The following APLP2 variants were observed in gnomAD, a reference collection of about 807,000 sequenced individuals.
APLP2 encodes amyloid beta precursor like protein 2.
A neutral mutation model predicts 89.9 loss-of-function variants in APLP2; 53 were observed. That is an observed-to-expected ratio of 0.59 (90% CI 0.47 to 0.74). APLP2 has a LOEUF of 0.74. Among genes scored for constraint, APLP2 ranks in the 30% least tolerant of loss-of-function variants. The probability of loss-of-function intolerance (pLI) is 0.00; values close to 1 mark genes in which losing one functional copy is unlikely to be tolerated. For missense variants in APLP2, 973 were observed against 975.9 expected (o/e 1.00, Z 0.04); for synonymous variants, 372 against 348.6 (o/e 1.07, Z -0.75).
intron 3 of APLP2, among the ~76,000 whole-genome samples, chr11:130,117,276 ATTATT>A (rs1327733212): frequency 1.3e-5 from 2 of 152,210 alleles, no homozygotes; most frequent in African/African-American, 4.8e-5. Context: ...CATGGAATTA[ATTATT>A]TTATTAAATT....
intron 1 of APLP2, among the ~76,000 whole-genome samples, chr11:130,078,967 C>G (rs1942628904): frequency 1.3e-5 from 2 of 152,026 alleles, no homozygotes; most frequent in African/African-American, 4.8e-5. Context: ...CCACATTTTA[C>G]CAAAACAGCT....
chr11:130,084,735 A>T (rs1457920519), intron 1 of APLP2, among the ~76,000 whole-genome samples: 1 of 152,192 alleles, frequency 6.6e-6, no homozygotes, highest in East Asian at 1.9e-4. Context: ...AATAAGAAAG[A>T]TCTCAAACAG....
chr11:130,115,234 G>T (rs112312541), intron 3 of APLP2, among the ~76,000 whole-genome samples: 9,446 of 151,934 alleles, frequency 0.062, 310 homozygotes, highest in Non-Finnish European at 0.073. Context: ...ATTTTTGTGG[G>T]TATATAGTAG....
chr11:130,137,212 T>C, intron 13 of APLP2: 1 of 1,568,414 alleles, frequency 6.4e-7, no homozygotes, highest in Non-Finnish European at 8.8e-7. Flanking sequence ...TAATCTCCTT[T>C]TGTGCTATTT....
At chr11:130,109,820 G>A (rs902673664) in intron 2 of APLP2, 18 of 463,996 alleles carry the variant, frequency 3.9e-5, no homozygotes, top group African/African-American at 3.3e-4. Context: ...TTAAGGAAGG[G>A]ATACTGCAGA....
At chr11:130,110,505 G>A (rs756829089) in intron 2 of APLP2, 33 bp from the exon 3 acceptor site, 3 of 1,610,198 alleles carry the variant, frequency 1.9e-6, no homozygotes, top group Middle Eastern at 3.3e-4. Flanking sequence ...TCTGCAGATT[G>A]ATTTATTGTG....
chr11:130,091,439 G>A (rs1399188415), intron 1 of APLP2, among the ~76,000 whole-genome samples: 523 of 127,794 alleles, frequency 4.1e-3, no homozygotes, highest in African/African-American at 0.012. Flanking sequence ...CAGTAGGGGC[G>A]GCCGGGCAGA....
Position 130,144,618 on chromosome 11 carries a change from G to A in APLP2, c.*1170G>A, listed in dbSNP as rs1442912378. ...TTTTTATTTTAAATCTGAAGGTTCT[G>A]GTAACCTGTGGTGTATTTTTATTTT... On this transcript the variant is annotated 3_prime_UTR_variant, in exon 17 of 17. Transcript: ENST00000338167. The A allele has an allele frequency of 6.6e-6, 1 of 152,516 alleles. No individual in the cohort carries two copies. Among genetic ancestry groups the A allele is most frequent in the African/African-American group, 2.4e-5 (1 of 41,384 alleles). The allele number at this position is 152,516 out of a possible 1,614,324, so 9.4% of individuals were successfully genotyped here. A position where few individuals can be genotyped will look rare whatever the true frequency, so the allele number is the denominator to read the frequency against.
Position 130,129,040 on chromosome 11 carries a change from T to C in APLP2, c.1297-8T>C. ...AAATCATGTGTGGTTCCTGCTTTCT[T>C]GGTTTAGCACTTCCAAGCCATGGTT... On this transcript the variant is annotated splice_region_variant and splice_polypyrimidine_tract_variant and intron_variant, in intron 9 of 16. Transcript: ENST00000338167. The C allele has an allele frequency of 6.2e-7, 1 of 1,609,662 alleles. No individual in the cohort carries two copies. Among genetic ancestry groups the C allele is most frequent in the Non-Finnish European group, 8.5e-7 (1 of 1,177,094 alleles).
intron 1 of APLP2, among the ~76,000 whole-genome samples, chr11:130,073,674 C>G (rs1189988695): frequency 1.3e-5 from 2 of 152,114 alleles, no homozygotes; most frequent in African/African-American, 4.8e-5. Flanking sequence ...AACTCCGTCT[C>G]TACTAAAAAT....
In APLP2 at chr11:130,123,924, T is replaced by G. The variant is rs1384407015; in HGVS notation, c.1090+145T>G. ...GTCGTCTTCCCCTCATCTTTGTGCT[T>G]TCTAGATCTAGGCTTTGCTCTCCTG... is the stretch of plus-strand genomic sequence containing the variant. On this transcript the variant is annotated intron_variant, in intron 7 of 16. Transcript: ENST00000338167. This position sits in a 1 kb window ranked among gnomAD's most constrained non-coding sequence, Gnocchi z 4.0. The G allele has an allele frequency of 2.6e-5, 23 of 886,908 alleles. No homozygotes were observed. The highest frequency in any genetic ancestry group is 3.8e-5 in the Non-Finnish European group (22 of 576,756). The allele number at this position is 886,908 out of a possible 1,614,324, so 54.9% of individuals were successfully genotyped here. A position where few individuals can be genotyped will look rare whatever the true frequency, so the allele number is the denominator to read the frequency against.
intron 1 of APLP2, among the ~76,000 whole-genome samples, chr11:130,091,780 ACCTC>A (rs1345139862): frequency 1.8e-4 from 23 of 131,080 alleles, no homozygotes; most frequent in African/African-American, 6.1e-4. Flanking sequence ...TGAACCCCCC[ACCTC>A]CCTCCCGGAT....
intron 1 of APLP2, among the ~76,000 whole-genome samples, chr11:130,091,615 A>G (rs367936436): frequency 0.25 from 6,726 of 26,650 alleles, no homozygotes; most frequent in Admixed American, 0.32. Context: ...TCTCCCTCCC[A>G]GACGGGGTGG....
At position 130,113,957 on chromosome 11, in the gene APLP2, C is replaced by G. The variant is rs549742792; in HGVS notation, c.403+3296C>G. Among the ~76,000 whole-genome samples, 4 of 152,220 alleles carry G rather than the reference C, an allele frequency of 2.6e-5. No individual in the cohort carries two copies. In the East Asian group the frequency reaches 7.7e-4, roughly 29 times the overall value. On this transcript the variant is annotated intron_variant, in intron 3 of 16. Coordinates refer to ENST00000338167, the MANE Select transcript of APLP2 (RefSeq NM_001142276.2). ...TCCCAGTACCCCTCACACACATACT[C>G]GAGGTTTGTTGTTTTTTGAATCATT...
At chr11:130,094,546 G>A (rs1250766509) in intron 1 of APLP2, among the ~76,000 whole-genome samples, 1 of 152,178 alleles carries the variant, frequency 6.6e-6, no homozygotes, top group East Asian at 1.9e-4. Context: ...GGGAAGATTG[G>A]CTTTAGATTT....
At chr11:130,082,930 A>T (rs1435254383) in intron 1 of APLP2, 1 of 151,226 alleles carries the variant, frequency 6.6e-6, no homozygotes, top group Non-Finnish European at 1.5e-5. Context: ...AGACATAAGC[A>T]TTTTCTAAAT....
chr11:130,121,068 T>C (rs1309390319), intron 4 of APLP2, among the ~76,000 whole-genome samples: 1 of 152,222 alleles, frequency 6.6e-6, no homozygotes, highest in East Asian at 1.9e-4. Flanking sequence ...GCGAGAATAC[T>C]GTATGCTGCT....
In APLP2 at chr11:130,122,488, C is replaced by A; in HGVS notation, c.897C>A (p.Asp299Glu). Residue 299 changes from aspartate to glutamate, a missense_variant, in exon 6 of 17, where the codon GAC becomes GAA. By Grantham distance (45) the Asp-to-Glu change is conservative (BLOSUM62 2). Transcript: ENST00000338167. ...TEPGSDGTMS[D>E]KEITHDVKAV... ...CCGGCAGCGACGGCACCATGTCAGA[C>A]AAGGAAATTACTCATGATGTCAAAG... 6.2e-7 allele frequency: 1 copy of A among 1,614,066 alleles called. No individual in the cohort carries two copies.
intron 1 of APLP2, among the ~76,000 whole-genome samples, chr11:130,090,560 C>T (rs1944807072): frequency 6.6e-6 from 1 of 151,940 alleles, no homozygotes; most frequent in Non-Finnish European, 1.5e-5. Flanking sequence ...GCACATGTTT[C>T]AGGGAGCACA....
Sources: allele counts gnomAD v4.1 joint callset (sites outside exome capture counted in the v4.1 genomes callset), GRCh38; gene constraint gnomAD v4.1.1; non-coding constraint Gnocchi (gnomAD v3.1); transcripts MANE v1.5; gene names NCBI Gene and HGNC (gene_info 2026-07-23, HGNC 2026-07-21).